The following PTPRQ variants were observed in gnomAD, a reference collection of about 807,000 sequenced individuals.
PTPRQ encodes the protein protein tyrosine phosphatase receptor type Q.
A neutral mutation model predicts 246.0 loss-of-function variants in PTPRQ; 199 were observed. That is an observed-to-expected ratio of 0.81 (90% CI 0.72 to 0.91). The LOEUF is 0.91. Ranked by LOEUF, PTPRQ falls within the 40% of genes least tolerant of loss-of-function variation. The probability of loss-of-function intolerance (pLI) is 0.00; values close to 1 mark genes in which losing one functional copy is unlikely to be tolerated. For synonymous variants in PTPRQ, 869 were observed against 853.2 expected (o/e 1.02, Z -0.32); for missense variants, 2,624 against 2,528.4 (o/e 1.04, Z -0.81).
At chr12:80,630,298 G>T (rs1193895878) in intron 33 of PTPRQ, among the ~76,000 whole-genome samples, 2 of 152,154 alleles carry the variant, frequency 1.3e-5, no homozygotes, top group South Asian at 4.1e-4. Context: ...CACGTAGGAA[G>T]TCCCATATTT....
chr12:80,445,864 A>C (rs1373436091), intron 3 of PTPRQ, 147 bp downstream of exon 3: 2 of 568,768 alleles, frequency 3.5e-6, no homozygotes, highest in Admixed American at 6.7e-5. Context: ...CACCCACCTG[A>C]GATTTTAAAA....
chr12:80,497,575 G>A (rs1339019164), intron 14 of PTPRQ, among the ~76,000 whole-genome samples: 2 of 152,058 alleles, frequency 1.3e-5, no homozygotes, highest in Non-Finnish European at 2.9e-5. Flanking sequence ...TGGGTTGGGA[G>A]AGGATATCCC....
chr12:80,588,982 G>T (rs996194647), intron 26 of PTPRQ, among the ~76,000 whole-genome samples: 2 of 152,170 alleles, frequency 1.3e-5, no homozygotes, highest in Non-Finnish European at 2.9e-5. Flanking sequence ...CTCCCAGCTT[G>T]AGATGGGAAG....
intron 26 of PTPRQ, among the ~76,000 whole-genome samples, chr12:80,600,200 T>C (rs1898096887): frequency 6.6e-6 from 1 of 151,764 alleles, no homozygotes; most frequent in Non-Finnish European, 1.5e-5. Flanking sequence ...AATTAAAATA[T>C]TTAGTAGTAT....
At chr12:80,546,764 A>G in intron 24 of PTPRQ, 67 bp downstream of exon 24, 1 of 1,503,930 alleles carries the variant, frequency 6.6e-7, no homozygotes, top group South Asian at 1.3e-5. Context: ...TCCTTTTCTT[A>G]GTTTATATGA....
intron 26 of PTPRQ, among the ~76,000 whole-genome samples, chr12:80,593,077 A>G (rs1204271438): frequency 6.6e-6 from 1 of 152,194 alleles, no homozygotes; most frequent in Admixed American, 6.5e-5. Context: ...CTTTCTCTGA[A>G]TTAGAGAAAA....
chr12:80,543,337 A>ATT (rs11434400), intron 23 of PTPRQ, among the ~76,000 whole-genome samples: 7,559 of 149,100 alleles, frequency 0.051, 219 homozygotes, highest in Middle Eastern at 0.097. Flanking sequence ...ATATATCCTT[A>ATT]TTTTTTTTTT....
chr12:80,559,831 C>A (rs760801301), intron 25 of PTPRQ, among the ~76,000 whole-genome samples: 3 of 152,076 alleles, frequency 2.0e-5, no homozygotes, highest in Non-Finnish European at 4.4e-5. Flanking sequence ...TCCCTCCCCT[C>A]CCCTCTCCTG....
Position 80,496,047 on chromosome 12 carries a change from A to G in PTPRQ, c.1931A>G (p.His644Arg). ...AAAATGAGAGTGGCAGCCTCAACCC[A>G]CGTTGGAGAAAGTTCTTTGTCTGAA... is the stretch of plus-strand genomic sequence containing the variant. ...KYKMRVAAST[H>R]VGESSLSEEN... Residue 644 changes from histidine (H) to arginine (R), a missense_variant, in exon 13 of 45, where the codon CAC becomes CGC. Coordinates refer to ENST00000644991, the MANE Select transcript of PTPRQ (RefSeq NM_001145026.2). The G allele has an allele frequency of 6.5e-7, 1 of 1,550,294 alleles. No homozygotes were observed. Among genetic ancestry groups the G allele is most frequent in the Non-Finnish European group, 8.7e-7 (1 of 1,146,306 alleles).
At chr12:80,522,399 G>A (rs1268121709) in intron 17 of PTPRQ, among the ~76,000 whole-genome samples, 1 of 152,112 alleles carries the variant, frequency 6.6e-6, no homozygotes, top group Non-Finnish European at 1.5e-5. Context: ...CCAACACTAT[G>A]TTGAATAGGA....
chr12:80,532,629 T>C (rs1243406802), intron 17 of PTPRQ, among the ~76,000 whole-genome samples: 1 of 152,166 alleles, frequency 6.6e-6, no homozygotes, highest in Admixed American at 6.5e-5. Flanking sequence ...TGAAAAGGCA[T>C]CTTTTCTGGC....
chr12:80,641,532 A>G (rs1899855189), intron 35 of PTPRQ, among the ~76,000 whole-genome samples: 1 of 152,210 alleles, frequency 6.6e-6, no homozygotes, highest in Non-Finnish European at 1.5e-5. Flanking sequence ...GCATTTGGGA[A>G]TCATAAGTAA....
chr12:80,581,886 C>A (rs1254896842), intron 25 of PTPRQ, among the ~76,000 whole-genome samples: 1 of 151,958 alleles, frequency 6.6e-6, no homozygotes, highest in Non-Finnish European at 1.5e-5. Flanking sequence ...GAATTTTTTC[C>A]CTCTGAAACT....
intron 4 of PTPRQ, 149 bp downstream of exon 4, chr12:80,457,793 TA>T: frequency 2.5e-6 from 1 of 392,500 alleles, no homozygotes. Flanking sequence ...TTCGGATAGC[TA>T]ATTTATTCCT....
intron 17 of PTPRQ, among the ~76,000 whole-genome samples, chr12:80,527,927 C>G (rs1448039441): frequency 6.6e-6 from 1 of 152,076 alleles, no homozygotes; most frequent in Non-Finnish European, 1.5e-5. Flanking sequence ...GACCCCATCT[C>G]TAGAAAAAAT....
chr12:80,587,179 T>C (rs555139048), intron 25 of PTPRQ, among the ~76,000 whole-genome samples: 39 of 152,324 alleles, frequency 2.6e-4, no homozygotes, highest in African/African-American at 7.2e-4. Flanking sequence ...TAGATATTTA[T>C]TGAATGTTGA....
chr12:80,661,001 C>G (rs1900610303), intron 39 of PTPRQ, among the ~76,000 whole-genome samples: 1 of 147,760 alleles, frequency 6.8e-6, no homozygotes, highest in Non-Finnish European at 1.5e-5. Flanking sequence ...TTCCTCTTAT[C>G]TTAGTACCAC....
At chr12:80,486,579 AT>A (rs1894283388) in intron 9 of PTPRQ, among the ~76,000 whole-genome samples, 1 of 152,162 alleles carries the variant, frequency 6.6e-6, no homozygotes, top group African/African-American at 2.4e-5. Flanking sequence ...AATGGGGCTT[AT>A]ATAGCCACCT....
chr12:80,579,949 G>T (rs901391261), intron 25 of PTPRQ, among the ~76,000 whole-genome samples: 1 of 152,046 alleles, frequency 6.6e-6, no homozygotes, highest in Non-Finnish European at 1.5e-5. Context: ...GAGTACATCT[G>T]TTCCTGAAAA....
Sources: gnomAD v4.1 joint callset for allele counts (sites outside exome capture counted in the v4.1 genomes callset) on GRCh38, gnomAD v4.1.1 for gene constraint, MANE v1.5 for transcripts, NCBI Gene and HGNC (gene_info 2026-07-23, HGNC 2026-07-21) for gene names.